Variants in SLC5A4 observed in about 807,000 individuals in gnomAD.
SLC5A4 encodes the protein probable glucose sensor protein SLC5A4.
SLC5A4 carries 55 observed loss-of-function variants against 70.3 expected under a neutral mutation model. The observed-to-expected ratio is 0.78, with a 90% CI of 0.63 to 0.98. The LOEUF is 0.98. SLC5A4 is among the 50% of genes least tolerant of loss of function. The pLI, the probability that SLC5A4 is intolerant of heterozygous loss-of-function variation, is 0.00. For synonymous variants in SLC5A4, 268 were observed against 305.7 expected, an observed-to-expected ratio of 0.88 and a Z score of 1.29; for missense variants, 735 against 839.2, an observed-to-expected ratio of 0.88 and a Z score of 1.53.
At chr22:32,272,174 C>A in the SLC5A4 span, 2 of 729,792 alleles carry the variant, frequency 2.7e-6, no homozygotes, top group Non-Finnish European at 2.5e-6. Context: ...CCGGGACCTG[C>A]CTCATGCAGG....
At chr22:32,231,689 T>C (rs986405858) in intron 9 of SLC5A4, among the ~76,000 whole-genome samples, 6 of 152,360 alleles carry the variant, frequency 3.9e-5, no homozygotes, top group South Asian at 2.1e-4. Context: ...TTCCTAATCC[T>C]TTTCTATAGA....
intron 10 of SLC5A4, 89 bp downstream of exon 10, chr22:32,230,879 T>C (rs1925708699): frequency 2.6e-6 from 2 of 762,302 alleles, no homozygotes; most frequent in Non-Finnish European, 4.6e-6. Flanking sequence ...ATTGAATTAA[T>C]GGAAGGTGCA....
the SLC5A4 span, among the ~76,000 whole-genome samples, chr22:32,325,151 T>C: frequency 1.3e-5 from 2 of 152,236 alleles, no homozygotes; most frequent in Non-Finnish European, 2.9e-5. Context: ...TGTCAACTCT[T>C]GGCCCCTCGC....
the SLC5A4 span, among the ~76,000 whole-genome samples, chr22:32,291,939 C>T: frequency 7.0e-6 from 1 of 143,692 alleles, no homozygotes; most frequent in Non-Finnish European, 1.5e-5. Context: ...ATGGCACAAT[C>T]TTGGCTCACT....
At chr22:32,272,379 C>A in the SLC5A4 span, 2 of 893,432 alleles carry the variant, frequency 2.2e-6, no homozygotes, top group Non-Finnish European at 3.7e-6. Flanking sequence ...TCCTGTGAAG[C>A]CTGCGGGCCA....
At chr22:32,259,341 A>G (rs1927638772), upstream of SLC5A4, among the ~76,000 whole-genome samples, 2 of 152,228 alleles carry the variant, frequency 1.3e-5, no homozygotes, top group Non-Finnish European at 2.9e-5. Flanking sequence ...GACAAAATTA[A>G]CCTATTAGCT....
the SLC5A4 span, among the ~76,000 whole-genome samples, chr22:32,335,400 G>T: frequency 4.8e-4 from 73 of 152,312 alleles, 1 homozygote; most frequent in African/African-American, 1.7e-3. Flanking sequence ...TCAAATGAGG[G>T]GTAAGTGAAG....
At position 32,254,169 on chromosome 22, in the gene SLC5A4, G is replaced by A. The variant is rs141649902; in HGVS notation, c.180C>T (p.Leu60=). Residue 60 remains leucine (L), a synonymous_variant, in exon 2 of 15, where the codon CTC becomes CTT. Coordinates refer to ENST00000266086, the MANE Select transcript of SLC5A4 (RefSeq NM_014227.3). ...GCCACCAGGCCATATCACGACCAGCGAGGAAGAAGCCTCCTATAGTACCTC... is the reference window on the plus strand; with the variant it reads ...GCCACCAGGCCATATCACGACCAGCAAGGAAGAAGCCTCCTATAGTACCTC... The part of the protein sequence containing the change: ...TNRGTIGGFF[L]AGRDMAWWPM... The A allele has an allele frequency of 1.2e-4, 192 of 1,613,926 alleles. No homozygotes were observed. The highest frequency in any genetic ancestry group is 1.5e-4 in the Non-Finnish European group (174 of 1,179,850).
At chr22:32,307,171 T>C in the SLC5A4 span, among the ~76,000 whole-genome samples, 4 of 21,012 alleles carry the variant, frequency 1.9e-4, no homozygotes, top group Non-Finnish European at 2.9e-4. Flanking sequence ...TACTGGAGGG[T>C]TGTGAACCCT....
At chr22:32,343,036 T>C in the SLC5A4 span, 2 of 151,660 alleles carry the variant, frequency 1.3e-5, no homozygotes, top group Non-Finnish European at 2.9e-5. Context: ...AATACTTCTG[T>C]AATCCTAAAA....
intron 14 of SLC5A4, among the ~76,000 whole-genome samples, chr22:32,219,824 T>G (rs76548786): frequency 0.028 from 4,278 of 151,948 alleles, 87 homozygotes; most frequent in Middle Eastern, 0.041. Context: ...CAAAATATAC[T>G]AGAGATTGAA....
the SLC5A4 span, among the ~76,000 whole-genome samples, chr22:32,309,517 A>G: frequency 6.6e-6 from 1 of 152,102 alleles, no homozygotes; most frequent in Non-Finnish European, 1.5e-5. Flanking sequence ...ACTACCCTGC[A>G]TCTTGTTTCT....
chr22:32,293,039 T>A, the SLC5A4 span, among the ~76,000 whole-genome samples: 5 of 152,194 alleles, frequency 3.3e-5, no homozygotes, highest in African/African-American at 1.2e-4. Context: ...TTATCTTTGC[T>A]AATACTTCTC....
the SLC5A4 span, among the ~76,000 whole-genome samples, chr22:32,278,703 A>C: frequency 6.6e-6 from 1 of 152,232 alleles, no homozygotes; most frequent in African/African-American, 2.4e-5. Context: ...CAAGGAACGC[A>C]ACAAAAAATA....
At chr22:32,279,656 G>A in the SLC5A4 span, among the ~76,000 whole-genome samples, 1 of 152,314 alleles carries the variant, frequency 6.6e-6, no homozygotes, top group African/African-American at 2.4e-5. Flanking sequence ...CCAGGTGTGA[G>A]GGCAGAACCC....
At chr22:32,261,190 T>G in the SLC5A4 span, among the ~76,000 whole-genome samples, 7,250 of 152,286 alleles carry the variant, frequency 0.048, 231 homozygotes, top group East Asian at 0.1. Context: ...CTCTCCCGTT[T>G]GGTCAGTGGA....
chr22:32,270,300 G>C, the SLC5A4 span: 1 of 843,812 alleles, frequency 1.2e-6, no homozygotes, highest in South Asian at 1.3e-5. Context: ...AGCCGGACCT[G>C]GAGATTGTGG....
At chr22:32,302,158 C>T in the SLC5A4 span, among the ~76,000 whole-genome samples, 315 of 152,016 alleles carry the variant, frequency 2.1e-3, 4 homozygotes, top group African/African-American at 7.1e-3. Flanking sequence ...ATTATTTGCC[C>T]TTTGTATATC....
chr22:32,257,454 A>G (rs1373990691), upstream of SLC5A4, among the ~76,000 whole-genome samples: 7 of 152,058 alleles, frequency 4.6e-5, no homozygotes, highest in Admixed American at 4.6e-4. Flanking sequence ...TCCTGGGCTC[A>G]AGTGATCCTC....
Sources: allele counts gnomAD v4.1 joint callset (sites outside exome capture counted in the v4.1 genomes callset), GRCh38; gene constraint gnomAD v4.1.1; transcripts MANE v1.5; gene names NCBI Gene and HGNC (gene_info 2026-07-23, HGNC 2026-07-21).